ANK1: variants seen among roughly 807,000 people sequenced by gnomAD.
ANK1 encodes the protein ankyrin 1.
In ANK1, 51 loss-of-function variants were observed where a neutral mutation model predicts 210.4. That is an observed-to-expected ratio of 0.24 (90% CI 0.19 to 0.31). ANK1 has a LOEUF of 0.31. ANK1 is among the 10% of genes least tolerant of loss of function. ANK1 has a pLI of 1.00. For synonymous variants in ANK1, 967 were observed against 1,025.9 expected, an observed-to-expected ratio of 0.94 and a Z score of 1.10; for missense variants, 2,051 against 2,504.4, an observed-to-expected ratio of 0.82 and a Z score of 3.86.
At chr8:41,736,490 A>T (rs1005450478) in intron 2 of ANK1, among the ~76,000 whole-genome samples, 1 of 152,140 alleles carries the variant, frequency 6.6e-6, no homozygotes, top group Non-Finnish European at 1.5e-5. Flanking sequence ...ATTGCTTGGG[A>T]ACTGGGTTGG....
intron 39 of ANK1, chr8:41,664,207 C>T (rs1809561923): frequency 4.4e-6 from 2 of 456,794 alleles, no homozygotes; most frequent in African/African-American, 4.0e-5. Context: ...CATGGTGGCT[C>T]ACGCCTGCTA....
chr8:41,714,313 C>T, intron 15 of ANK1, 59 bp from the exon 16 acceptor site: 2 of 1,351,868 alleles, frequency 1.5e-6, no homozygotes, highest in Admixed American at 2.2e-5. Context: ...TCTCCCAGGA[C>T]TCCCTTTAGG....
At chr8:41,711,513 GCAAGGGCTGAGT>G (rs1826117469) in intron 16 of ANK1, among the ~76,000 whole-genome samples, 1 of 152,210 alleles carries the variant, frequency 6.6e-6, no homozygotes, top group Admixed American at 6.5e-5. Flanking sequence ...GCCACAGTAG[GCAAGGGCTGAGT>G]CACATGCCCC....
At chr8:41,895,902 C>CCCG (rs1554674029) in intron 1 of ANK1, among the ~76,000 whole-genome samples, 117 of 127,574 alleles carry the variant, frequency 9.2e-4, no homozygotes, top group African/African-American at 3.2e-3. Context: ...GGCAGAGCTG[C>CCCG]CCCCCCCCGG....
intron 2 of ANK1, among the ~76,000 whole-genome samples, chr8:41,744,438 A>T (rs1481034163): frequency 6.6e-6 from 1 of 152,178 alleles, no homozygotes; most frequent in East Asian, 1.9e-4. Context: ...CAAAGGGAAA[A>T]GCAGTGAACT....
chr8:41,690,321 C>G lies in ANK1; in HGVS notation c.4010G>C (p.Gly1337Ala), dbSNP rs777480032. 6.2e-7 allele frequency: 1 copy of G among 1,614,250 alleles called. No individual in the cohort carries two copies. The highest frequency in any genetic ancestry group is 8.5e-7 in the Non-Finnish European group (1 of 1,180,036). ...CTTGCGCAGAAACGACAGGGACCCTCCCGGCTCTCGACTGCTGTCCCTCAC... is the reference window on the plus strand; with the variant it reads ...CTTGCGCAGAAACGACAGGGACCCTGCCGGCTCTCGACTGCTGTCCCTCAC... ...VKVRDSSREPGGSLSFLRKAM... is the reference protein window; with the variant it reads ...VKVRDSSREPAGSLSFLRKAM... Residue 1337 changes from glycine to alanine, a missense_variant, in exon 33 of 43, where the codon GGA becomes GCA. Gly to Ala is a moderately conservative substitution (Grantham distance 60, BLOSUM62 0). Around this residue, in one of 6 missense-constraint regions of ANK1, gnomAD observed 1,413 missense variants for 1,707.4 expected, o/e 0.83. Coordinates refer to ENST00000289734, the MANE Select transcript of ANK1 (RefSeq NM_000037.4).
chr8:41,664,906 T>G, intron 39 of ANK1: 1 of 1,614,244 alleles, frequency 6.2e-7, no homozygotes, highest in Non-Finnish European at 8.5e-7. Flanking sequence ...TCCTGGTGGA[T>G]GTGCTTTAGC....
chr8:41,895,923 G>A (rs1820417717), intron 1 of ANK1, among the ~76,000 whole-genome samples: 1 of 149,128 alleles, frequency 6.7e-6, no homozygotes, highest in South Asian at 2.1e-4. Flanking sequence ...CCCGCTCCCC[G>A]GAGCCTGCAG....
At position 41,657,571 on chromosome 8, in the gene ANK1, C is replaced by A. The variant is rs576976848; in HGVS notation, c.*37-1818G>T. On this transcript the variant is annotated intron_variant, in intron 42 of 42. Transcript: ENST00000289734. ...CTCCTGGTGCTCCCCACGGTGCCTG[C>A]CCCAAGAAGTGCTCCTCAAATAAGA... 4.6e-5 allele frequency among the ~76,000 whole-genome samples: 7 copies of A among 152,354 alleles called. No individual in the cohort carries two copies. In the East Asian group the frequency reaches 1.3e-3, roughly 29 times the overall value.
chr8:41,664,876 C>T, intron 39 of ANK1: 1 of 1,613,984 alleles, frequency 6.2e-7, no homozygotes, highest in Non-Finnish European at 8.5e-7. Context: ...CCCTCGCTCT[C>T]CCCCAGCTCC....
intron 1 of ANK1, among the ~76,000 whole-genome samples, chr8:41,865,635 T>C (rs1814269979): frequency 6.6e-6 from 1 of 151,884 alleles, no homozygotes; most frequent in Admixed American, 6.5e-5. Context: ...CTCCCCTCCT[T>C]TCCACACAAT....
chr8:41,725,663 C>T, intron 6 of ANK1, 98 bp downstream of exon 6: 1 of 1,505,566 alleles, frequency 6.6e-7, no homozygotes, highest in Non-Finnish European at 8.9e-7. Context: ...GCCCTGCACG[C>T]TCGGTTCTCC....
chr8:41,878,130 C>A (rs1173738423), intron 1 of ANK1, among the ~76,000 whole-genome samples: 1 of 152,226 alleles, frequency 6.6e-6, no homozygotes, highest in East Asian at 1.9e-4. Flanking sequence ...ATGCGACTTA[C>A]CAAACAATCC....
intron 2 of ANK1, among the ~76,000 whole-genome samples, chr8:41,749,960 C>T (rs74579468): frequency 0.031 from 4,666 of 152,296 alleles, 230 homozygotes; most frequent in African/African-American, 0.1. Flanking sequence ...AGTCATACAG[C>T]ATAAGATGAT....
chr8:41,821,591 T>C (rs1006797063), intron 1 of ANK1, among the ~76,000 whole-genome samples: 7 of 152,194 alleles, frequency 4.6e-5, no homozygotes, highest in East Asian at 1.9e-4. Context: ...TTGTTGAGTA[T>C]CGTAAAGGAA....
intron 2 of ANK1, among the ~76,000 whole-genome samples, chr8:41,742,997 C>A (rs1312758962): frequency 6.6e-6 from 1 of 152,284 alleles, no homozygotes; most frequent in South Asian, 2.1e-4. Flanking sequence ...TTATTATAAA[C>A]AAGCAAGTGC....
chr8:41,701,418 A>G (rs1452306738), intron 22 of ANK1, 132 bp downstream of exon 22: 1 of 766,026 alleles, frequency 1.3e-6, no homozygotes, highest in African/African-American at 1.7e-5. Flanking sequence ...AGGTCTCCCC[A>G]GTTTCAGTGT....
intron 1 of ANK1, among the ~76,000 whole-genome samples, chr8:41,876,431 G>A (rs1343524704): frequency 1.3e-5 from 2 of 152,218 alleles, no homozygotes; most frequent in African/African-American, 4.8e-5. Flanking sequence ...CTGGGGGCTG[G>A]GGCGCATTCA....
chr8:41,676,741 T>A (rs1398343159), intron 37 of ANK1, among the ~76,000 whole-genome samples: 1 of 152,230 alleles, frequency 6.6e-6, no homozygotes, highest in African/African-American at 2.4e-5. Flanking sequence ...CCATTTAGAG[T>A]TGATTTTTGT....
Sources: allele counts gnomAD v4.1 joint callset (sites outside exome capture counted in the v4.1 genomes callset), GRCh38; gene constraint gnomAD v4.1.1; regional missense constraint gnomAD v4.1.1; transcripts MANE v1.5; gene names NCBI Gene and HGNC (gene_info 2026-07-23, HGNC 2026-07-21).